CGGBP1: variants seen among roughly 807,000 people sequenced by gnomAD.
The protein encoded by CGGBP1 is CGG triplet repeat-binding protein 1.
A neutral mutation model predicts 11.4 loss-of-function variants in CGGBP1; 4 were observed. The ratio of observed to expected loss-of-function variants is 0.35; its 90% CI spans 0.17 to 0.80. The LOEUF is 0.80. CGGBP1 is among the 30% of genes least tolerant of loss of function. The pLI is 0.52. For synonymous variants in CGGBP1, 76 were observed against 74.1 expected (o/e 1.03, Z -0.13); for missense variants, 135 against 202.1 (o/e 0.67, Z 2.01).
rs187646398 is a variant in CGGBP1 at position 88,112,310 on chromosome 3, G to A, written c.-229+28660C>T. On this transcript the variant is annotated intron_variant, in intron 2 of 3. Transcript: ENST00000462901. ...ACTATTAAAAAAACAACTTTAGGTA[G>A]TTACACTTGAGGATCTGCTAGATGA... 1.8e-4 allele frequency among the ~76,000 whole-genome samples: 27 copies of A among 151,692 alleles called. No individual in the cohort carries two copies. In the East Asian group the frequency reaches 5.2e-3, roughly 29 times the overall value.
chr3:88,095,687 C>G (rs1335233869), intron 2 of CGGBP1: 1 of 427,470 alleles, frequency 2.3e-6, no homozygotes, highest in Non-Finnish European at 4.5e-6. Context: ...ACTGTCAGCA[C>G]AGTTTGAGAA....
At chr3:88,111,322 CAG>C (rs1466826309) in intron 2 of CGGBP1, among the ~76,000 whole-genome samples, 1 of 151,918 alleles carries the variant, frequency 6.6e-6, no homozygotes, top group Non-Finnish European at 1.5e-5. Flanking sequence ...TTACCCTTTG[CAG>C]AGTCAGTTGC....
chr3:88,066,815 T>A (rs1183144936), intron 2 of CGGBP1, among the ~76,000 whole-genome samples: 1 of 152,106 alleles, frequency 6.6e-6, no homozygotes, highest in Non-Finnish European at 1.5e-5. Context: ...AACAAGAACT[T>A]TACGAAACCT....
intron 2 of CGGBP1, among the ~76,000 whole-genome samples, chr3:88,094,716 T>C (rs1703955679): frequency 6.6e-6 from 1 of 152,118 alleles, no homozygotes. Context: ...GTAAGTACAT[T>C]TGAATTTTTT....
intron 2 of CGGBP1, chr3:88,140,146 T>C: frequency 6.2e-7 from 1 of 1,612,130 alleles, no homozygotes; most frequent in Non-Finnish European, 8.5e-7. Flanking sequence ...AACGAGTCGT[T>C]TAAGCTGCCG....
chr3:88,135,348 C>G, intron 2 of CGGBP1: 2 of 539,946 alleles, frequency 3.7e-6, no homozygotes, highest in Non-Finnish European at 5.8e-6. Flanking sequence ...ACATTCTCCT[C>G]TGCCCTAACT....
In CGGBP1 at chr3:88,053,280, A is replaced by AGCTTC. The variant is rs1224301832; in HGVS notation, c.*2192_*2193insGAAGC. 23 of 152,182 alleles carry AGCTTC rather than the reference A, an allele frequency of 1.5e-4. No individual in the cohort carries two copies. Among genetic ancestry groups the AGCTTC allele is most frequent in the Admixed American group, 1.5e-3 (23 of 15,278 alleles). The allele number at this position is 152,182 out of a possible 1,614,324, so 9.4% of individuals were successfully genotyped here. ...CACAGTTAACTAGCTTCAGGGAACAAAAGTTCCATAATCAATGAAGAAACA... is the reference window on the plus strand; with the variant it reads ...CACAGTTAACTAGCTTCAGGGAACAAGCTTCAAGTTCCATAATCAATGAAGAAACA... On this transcript the variant is annotated 3_prime_UTR_variant, in exon 4 of 4. Transcript: ENST00000482016.
chr3:88,120,707 TAC>T (rs1559723791), intron 2 of CGGBP1, among the ~76,000 whole-genome samples: 2 of 152,180 alleles, frequency 1.3e-5, no homozygotes, highest in African/African-American at 4.8e-5. Flanking sequence ...GTATATTACT[TAC>T]GCACATGTAC....
intron 2 of CGGBP1, among the ~76,000 whole-genome samples, chr3:88,085,344 G>A (rs993421805): frequency 6.6e-6 from 1 of 152,312 alleles, no homozygotes; most frequent in Non-Finnish European, 1.5e-5. Context: ...ATAAATGGAT[G>A]AACCTGGTTG....
At chr3:88,063,624 T>A (rs1399421796), upstream of CGGBP1, among the ~76,000 whole-genome samples, 1 of 152,206 alleles carries the variant, frequency 6.6e-6, no homozygotes, top group Admixed American at 6.5e-5. Context: ...TTTTAATTTA[T>A]CTTTAATTTT....
chr3:88,085,618 C>T (rs1708299313), intron 2 of CGGBP1, among the ~76,000 whole-genome samples: 1 of 152,040 alleles, frequency 6.6e-6, no homozygotes, highest in Non-Finnish European at 1.5e-5. Flanking sequence ...ATAAATTACC[C>T]CAATTTGGCT....
intron 2 of CGGBP1, among the ~76,000 whole-genome samples, chr3:88,101,863 C>T (rs902979301): frequency 9.2e-5 from 14 of 152,088 alleles, no homozygotes; most frequent in African/African-American, 3.4e-4. Context: ...AATGGTTATA[C>T]AGTAGTATGT....
At chr3:88,110,330 A>G (rs1052751078) in intron 2 of CGGBP1, among the ~76,000 whole-genome samples, 3 of 152,144 alleles carry the variant, frequency 2.0e-5, no homozygotes, top group African/African-American at 7.2e-5. Flanking sequence ...TCTGCCTATA[A>G]TAGGTCTGTG....
intron 2 of CGGBP1, among the ~76,000 whole-genome samples, chr3:88,081,225 T>C (rs1479760120): frequency 1.3e-5 from 2 of 152,234 alleles, no homozygotes; most frequent in African/African-American, 4.8e-5. Context: ...TATGAAGAGA[T>C]TCATGATGAT....
At chr3:88,095,008 A>T (rs1015138860) in intron 2 of CGGBP1, among the ~76,000 whole-genome samples, 1 of 152,172 alleles carries the variant, frequency 6.6e-6, no homozygotes, top group African/African-American at 2.4e-5. Flanking sequence ...ATTTCTTCCA[A>T]GTTTGCTGTA....
intron 2 of CGGBP1, among the ~76,000 whole-genome samples, chr3:88,115,153 G>C (rs1360239077): frequency 6.6e-6 from 1 of 152,190 alleles, no homozygotes; most frequent in East Asian, 1.9e-4. Flanking sequence ...TTATGAATCA[G>C]TAGTTGTGGG....
At chr3:88,142,413 C>A (rs78694349) in intron 1 of CGGBP1, 9,215 of 152,156 alleles carry the variant, frequency 0.061, 814 homozygotes, top group African/African-American at 0.19. Flanking sequence ...TAGAAAAAAA[C>A]CGATCAGTAC....
At chr3:88,139,075 C>T (rs546935598) in intron 2 of CGGBP1, 5 of 1,264,082 alleles carry the variant, frequency 4.0e-6, no homozygotes, top group South Asian at 7.1e-5. Context: ...AGTGATAAAT[C>T]AGCAGTTAGA....
intron 2 of CGGBP1, among the ~76,000 whole-genome samples, chr3:88,093,593 G>C (rs181485916): frequency 6.6e-6 from 1 of 152,284 alleles, no homozygotes; most frequent in African/African-American, 2.4e-5. Context: ...AGCTAAGTGG[G>C]TATAATCAGT....
Sources: gnomAD v4.1 joint callset for allele counts (sites outside exome capture counted in the v4.1 genomes callset) on GRCh38, gnomAD v4.1.1 for gene constraint, MANE v1.5 for transcripts, NCBI Gene and HGNC (gene_info 2026-07-23, HGNC 2026-07-21) for gene names.